The following TAFAZZIN variants were observed in gnomAD, a reference collection of about 807,000 sequenced individuals.
TAFAZZIN encodes protein G4.5.
TAFAZZIN carries 6 observed loss-of-function variants against 27.3 expected under a neutral mutation model. The ratio of observed to expected loss-of-function variants is 0.22; its 90% CI spans 0.12 to 0.43. The LOEUF is 0.43. Among genes scored for constraint, TAFAZZIN ranks in the 20% least tolerant of loss-of-function variants. The pLI is 1.00. For synonymous variants in TAFAZZIN, 79 were observed against 96.2 expected (o/e 0.82, Z 1.04); for missense variants, 127 against 244.5 (o/e 0.52, Z 3.21).
chrX:154,420,229 C>T lies in TAFAZZIN; in HGVS notation c.664C>T (p.Pro222Ser). The T allele has an allele frequency of 8.3e-7, 1 of 1,211,611 alleles. No individual in the cohort carries two copies. The highest frequency in any genetic ancestry group is 1.1e-6 in the Non-Finnish European group (1 of 895,424). Reference protein sequence around the residue: ...LWHVGMNDVLPNSPPYFPRFG... With the variant: ...LWHVGMNDVLSNSPPYFPRFG... ...TGCTGCAGGAATGAATGACGTCCTT[C>T]CTAACAGTCCGCCCTACTTCCCCCG... Residue 222 changes from proline (P) to serine (S), a missense_variant, in exon 9 of 11, where the codon CCT (proline) becomes TCT (serine). Transcript: ENST00000601016.
In TAFAZZIN at chrX:154,419,894, G is replaced by A. The variant is rs73571581; in HGVS notation, c.584-138G>A. The A allele has an allele frequency of 7.9e-3, 8,612 of 1,083,704 alleles. 398 individuals are homozygous for A. The African/African-American group carries it at 0.13, about 17-fold the overall frequency. The allele number at this position is 1,083,704 out of a possible 1,213,427, so 89.3% of individuals were successfully genotyped here. ...GGAAGGGGACAGGTGCTGAGACTAG[G>A]CCTGCCTCTCGCAGGGGCTTGCCCA... On this transcript the variant is annotated intron_variant, in intron 7 of 10. Coordinates refer to ENST00000601016, the MANE Select transcript of TAFAZZIN (RefSeq NM_000116.5).
In TAFAZZIN at chrX:154,420,845, A is replaced by G. The variant is rs782393165; in HGVS notation, c.778-58A>G. On this transcript the variant is annotated intron_variant, in intron 10 of 10. Coordinates refer to ENST00000601016, the MANE Select transcript of TAFAZZIN (RefSeq NM_000116.5). Reference sequence around the variant, plus strand: ...CGTCACCCTCCCAGGGCACCCTCCCAGGGCACCTTGGCCAAGCTTCCCGAG... The same window carrying G: ...CGTCACCCTCCCAGGGCACCCTCCCGGGGCACCTTGGCCAAGCTTCCCGAG... The G allele has an allele frequency of 1.2e-4, 141 of 1,185,532 alleles. No homozygotes were observed. In the African/African-American group the frequency reaches 2.3e-3, roughly 20 times the overall value.
At chrX:154,419,940 A>G in intron 7 of TAFAZZIN, 92 bp from the exon 8 acceptor site, 1 of 1,138,855 alleles carries the variant, frequency 8.8e-7, no homozygotes, top group Non-Finnish European at 1.2e-6. Flanking sequence ...ATTGAACTGG[A>G]GGATGTCGGG....
In TAFAZZIN at chrX:154,420,676, G is replaced by A. The variant is rs387907218; in HGVS notation, c.718G>A (p.Gly240Arg). ...RFGQKITVLI[G>R]KPFSALPVLE... ...CCCACAGAAAATCACTGTGCTGATCGGGAAGCCCTTCAGTGCCCTGCCTGT... is the reference window on the plus strand; with the variant it reads ...CCCACAGAAAATCACTGTGCTGATCAGGAAGCCCTTCAGTGCCCTGCCTGT... The change falls in exon 10 of 11, where the codon GGG becomes AGG. Residue 240 changes from glycine to arginine, a missense_variant. By Grantham distance (125) the Gly-to-Arg change is moderately radical. Around this residue, in one of 3 missense-constraint regions of TAFAZZIN, gnomAD observed 79 missense variants for 188.7 expected, o/e 0.42. Transcript: ENST00000601016. The A allele has an allele frequency of 8.3e-7, 1 of 1,211,326 alleles. No homozygotes were observed. Among genetic ancestry groups the A allele is most frequent in the Non-Finnish European group, 1.1e-6 (1 of 895,337 alleles).
At chrX:154,412,804 C>T (rs1224903272) in intron 2 of TAFAZZIN, 16 of 261,518 alleles carry the variant, frequency 6.1e-5, no homozygotes, top group Non-Finnish European at 1.1e-4. Context: ...CACCTAGCCA[C>T]ACTGGAGCCC....
rs781795144 is a variant in TAFAZZIN, at chrX:154,419,702, C to T, written c.542-3C>T. 2.5e-6 allele frequency: 3 copies of T among 1,211,257 alleles called. No homozygotes were observed. The highest frequency in any genetic ancestry group is 3.4e-6 in the Non-Finnish European group (3 of 895,396). ...AAGCCTCGCCTCTGTGCTCTCTCAC[C>T]AGGGAAAGTGAACATGAGTTCCGAA... is the stretch of plus-strand genomic sequence containing the variant. On this transcript the variant is annotated splice_polypyrimidine_tract_variant and splice_region_variant and intron_variant, in intron 6 of 10. Coordinates refer to ENST00000601016, the MANE Select transcript of TAFAZZIN (RefSeq NM_000116.5).
In TAFAZZIN at chrX:154,413,649, C is replaced by CT. The variant is rs2068392908; in HGVS notation, c.370+83dup. 5 of 1,023,227 alleles carry CT rather than the reference C, an allele frequency of 4.9e-6. No individual in the cohort carries two copies. In the African/African-American group the frequency reaches 5.6e-5, roughly 11 times the overall value. The allele number at this position is 1,023,227 out of a possible 1,213,427, so 84.3% of individuals were successfully genotyped here. On this transcript the variant is annotated intron_variant, in intron 4 of 10. Coordinates refer to ENST00000601016, the MANE Select transcript of TAFAZZIN (RefSeq NM_000116.5). ...GCCAGTGTCTCTGTTTTGGAGGGAC[C>CT]TATGGGGGTAGGCATCCCGGGAGCC...
Position 154,421,072 on chromosome X carries a change from T to C in TAFAZZIN, c.*68T>C. The stretch of plus-strand genomic sequence containing the variant: ...GGGGCTGAGGGATGGACTGATGCTT[T>C]TAGCTCAAACGTGGCTTTTAGACAG... On this transcript the variant is annotated 3_prime_UTR_variant, in exon 11 of 11. Transcript: ENST00000601016. 9.5e-7 allele frequency: 1 copy of C among 1,047,178 alleles called. No individual in the cohort carries two copies. Among genetic ancestry groups the C allele is most frequent in the Non-Finnish European group, 1.3e-6 (1 of 753,304 alleles). The allele number at this position is 1,047,178 out of a possible 1,213,427, so 86.3% of individuals were successfully genotyped here.
Position 154,414,172 on chromosome X carries a change from G to A in TAFAZZIN, c.442G>A (p.Gly148Arg), listed in dbSNP as rs781958108. 1 of 1,208,977 alleles carries A rather than the reference G, an allele frequency of 8.3e-7. No homozygotes were observed. Among genetic ancestry groups the A allele is most frequent in the Admixed American group, 2.2e-5 (1 of 45,912 alleles). ...CACAGGCAGGCACATGCCAGGTGCT[G>A]GAAAAAGAAGAGAGAAAGGTAAGCC... Reference protein sequence around the residue: ...LDTGRHMPGAGKRREKGDGVY... With the variant: ...LDTGRHMPGARKRREKGDGVY... The change falls in exon 5 of 11, where the codon GGA becomes AGA. Residue 148 changes from glycine to arginine, a missense_variant. Gly to Arg is a moderately radical substitution (Grantham distance 125). This residue lies in a region of TAFAZZIN where 79 missense variants were observed against 188.7 expected (regional missense o/e 0.42). Transcript: ENST00000601016.
At position 154,421,117 on chromosome X, in the gene TAFAZZIN, C is replaced by A; in HGVS notation, c.*113C>A. ...AGACAGATTTGTTCATAGACCCTCT[C>A]AAGTGCCCTCTCCGAGCTGGTAGGC... On this transcript the variant is annotated 3_prime_UTR_variant, in exon 11 of 11. Coordinates refer to ENST00000601016, the MANE Select transcript of TAFAZZIN (RefSeq NM_000116.5). 1 of 685,038 alleles carries A rather than the reference C, an allele frequency of 1.5e-6. No homozygotes were observed. Among genetic ancestry groups the A allele is most frequent in the Non-Finnish European group, 2.3e-6 (1 of 440,305 alleles). The allele number at this position is 685,038 out of a possible 1,213,427, so 56.5% of individuals were successfully genotyped here. A position where few individuals can be genotyped will look rare whatever the true frequency, so the allele number is the denominator to read the frequency against.
chrX:154,415,704 G>A (rs2068467410), intron 5 of TAFAZZIN, among the ~76,000 whole-genome samples: 1 of 107,337 alleles, frequency 9.3e-6, no homozygotes, highest in Non-Finnish European at 1.9e-5. Flanking sequence ...CTAATGTGGC[G>A]AAACCCTGTC....
chrX:154,419,391 C>A, intron 5 of TAFAZZIN, 152 bp from the exon 6 acceptor site: 3 of 570,776 alleles, frequency 5.3e-6, no homozygotes, highest in East Asian at 3.5e-5. Flanking sequence ...GCTTTCCCAG[C>A]AAGCAGGGAC....
chrX:154,414,025 A>C (rs1163207963), intron 4 of TAFAZZIN, 76 bp from the exon 5 acceptor site: 41 of 656,486 alleles, frequency 6.2e-5, no homozygotes, highest in Non-Finnish European at 1.0e-4. Context: ...CACAGAGATT[A>C]AGCTGCTGGC....
rs2068599554 is a variant in TAFAZZIN at position 154,420,550 on chromosome X, G to A, written c.700-108G>A. ...TTAGAGGAAGAGTGGCCCCTGGGGA[G>A]TGTGTGGCACAGCAGGGCCGGGGCT... On this transcript the variant is annotated intron_variant, in intron 9 of 10. Coordinates refer to ENST00000601016, the MANE Select transcript of TAFAZZIN (RefSeq NM_000116.5). 13 of 913,668 alleles carry A rather than the reference G, an allele frequency of 1.4e-5. No individual in the cohort carries two copies. In the South Asian group the frequency reaches 2.0e-4, roughly 14 times the overall value. 75.3% of individuals were successfully genotyped at this position (913,668 alleles called of 1,213,427 possible).
intron 2 of TAFAZZIN, 168 bp downstream of exon 2, chrX:154,412,382 T>C (rs2068339492): frequency 1.5e-6 from 1 of 663,351 alleles, no homozygotes; most frequent in Non-Finnish European, 2.2e-6. Flanking sequence ...TCCTGCAGCA[T>C]CCCTGAGGGA....
In TAFAZZIN at chrX:154,420,710, G is replaced by A. The variant is rs397515748; in HGVS notation, c.752G>A (p.Arg251Gln). 6.6e-6 allele frequency: 8 copies of A among 1,211,055 alleles called. No homozygotes were observed. Among genetic ancestry groups the A allele is most frequent in the East Asian group, 3.0e-5 (1 of 33,800 alleles). ...KPFSALPVLE[R>Q]LRAENKSAVE... ...TTCAGTGCCCTGCCTGTACTCGAGC[G>A]GCTCCGGGCGGAGAACAAGTCGGCT... The change falls in exon 10 of 11, where the codon CGG (arginine) becomes CAG (glutamine). Residue 251 changes from arginine (R) to glutamine (Q), a missense_variant. By Grantham distance (43) the Arg-to-Gln change is conservative. This residue lies in a region of TAFAZZIN where 31 missense variants were observed against 39.6 expected (regional missense o/e 0.78). Transcript: ENST00000601016.
At chrX:154,419,138 T>C (rs2068557456) in intron 5 of TAFAZZIN, 1 of 242,460 alleles carries the variant, frequency 4.1e-6, no homozygotes, top group African/African-American at 2.9e-5. Context: ...CAGGAGTATG[T>C]GGCTGAAGCG....
rs377222752 is a variant in TAFAZZIN at position 154,412,506 on chromosome X, C to G, written c.238+292C>G. 72 of 338,021 alleles carry G rather than the reference C, an allele frequency of 2.1e-4. No homozygotes were observed. In the South Asian group the frequency reaches 3.5e-3, roughly 16 times the overall value. The allele number at this position is 338,021 out of a possible 1,213,427, so 27.9% of individuals were successfully genotyped here. On this transcript the variant is annotated intron_variant, in intron 2 of 10. Transcript: ENST00000601016. Reference sequence around the variant, plus strand: ...AGAACCCTCTGTTCTCTAAACCATCCAGGGCCCCACAGTCTTGGGAAAAAT... The same window carrying G: ...AGAACCCTCTGTTCTCTAAACCATCGAGGGCCCCACAGTCTTGGGAAAAAT...
Position 154,421,198 on chromosome X carries a change from A to G in TAFAZZIN, c.*194A>G, listed in dbSNP as rs2068620994. 2.0e-6 allele frequency: 1 copy of G among 507,308 alleles called. No homozygotes were observed. 41.8% of individuals were successfully genotyped at this position (507,308 alleles called of 1,213,427 possible). On this transcript the variant is annotated 3_prime_UTR_variant, in exon 11 of 11. Transcript: ENST00000601016. ...ACAAAGGACCTCAGCTGCTTCTCCC[A>G]CTTGGCCAAGCAGGGAGGAAGAAGC...
Sources: allele counts gnomAD v4.1 joint callset (sites outside exome capture counted in the v4.1 genomes callset), GRCh38; gene constraint gnomAD v4.1.1; regional missense constraint gnomAD v4.1.1; transcripts MANE v1.5; gene names NCBI Gene and HGNC (gene_info 2026-07-23, HGNC 2026-07-21).